Variants in CECR2 observed in about 807,000 individuals in gnomAD.
The protein encoded by CECR2 is CECR2 histone acetyl-lysine reader.
In CECR2, 30 loss-of-function variants were observed where a neutral mutation model predicts 154.5. The ratio of observed to expected loss-of-function variants is 0.19; its 90% CI spans 0.15 to 0.26. CECR2 has a LOEUF of 0.26. CECR2 is among the 10% of genes least tolerant of loss of function. The pLI is 1.00. For missense variants in CECR2, 1,743 were observed against 1,829.3 expected, an observed-to-expected ratio of 0.95 and a Z score of 0.86; for synonymous variants, 725 against 683.7, an observed-to-expected ratio of 1.06 and a Z score of -0.94.
intron 1 of CECR2, among the ~76,000 whole-genome samples, chr22:17,408,772 G>A (rs188792185): frequency 6.6e-6 from 1 of 152,276 alleles, no homozygotes; most frequent in East Asian, 1.9e-4. Context: ...GTATTACCTT[G>A]TATTCATGAA....
At chr22:17,488,317 T>C (rs982506957) in intron 2 of CECR2, among the ~76,000 whole-genome samples, 1 of 152,258 alleles carries the variant, frequency 6.6e-6, no homozygotes, top group Non-Finnish European at 1.5e-5. Context: ...ACAATACTTC[T>C]GTTAAGTACG....
intron 1 of CECR2, among the ~76,000 whole-genome samples, chr22:17,412,482 C>A (rs1042624997): frequency 9.2e-5 from 14 of 152,160 alleles, no homozygotes; most frequent in African/African-American, 3.4e-4. Flanking sequence ...GCTAAAGAGG[C>A]CTTTGGCTCC....
chr22:17,377,234 G>T (rs547579572), intron 1 of CECR2, among the ~76,000 whole-genome samples: 1 of 152,278 alleles, frequency 6.6e-6, no homozygotes, highest in East Asian at 1.9e-4. Flanking sequence ...TGGTGTGTTT[G>T]CAAATTATAG....
Position 17,525,285 on chromosome 22 carries a change from CCAAAAAAAAAAAA to C in CECR2, c.1108+1015_1108+1027del, listed in dbSNP as rs1364262704. Among the ~76,000 whole-genome samples, 34 of 32,326 alleles carry C rather than the reference CCAAAAAAAAAAAA, an allele frequency of 1.1e-3. No homozygotes were observed. The South Asian group carries it at 0.013, about 13-fold the overall frequency. 21.2% of individuals were successfully genotyped at this position (32,326 alleles called of 152,430 possible). ...GGGCAACAAGAGTGAAACTCCATCT[CCAAAAAAAAAAAA>C]AAAAAAAAAAAAAAAAAGAAAGGAA... On this transcript the variant is annotated intron_variant, in intron 9 of 18. Coordinates refer to ENST00000262608, the MANE Select transcript of CECR2 (RefSeq NM_001290047.2).
At position 17,532,031 on chromosome 22, in the gene CECR2, A is replaced by G. The variant is rs147025214; in HGVS notation, c.1109-5072A>G. On this transcript the variant is annotated intron_variant, in intron 9 of 18. Coordinates refer to ENST00000262608, the MANE Select transcript of CECR2 (RefSeq NM_001290047.2). ...AGAAAATCTTAAAAATTAGCCAGAC[A>G]TGGTGGTGCATGCCTGTAGTCCCAG... 1.1e-3 allele frequency among the ~76,000 whole-genome samples: 164 copies of G among 152,068 alleles called. 3 individuals are homozygous for G. The highest frequency in any genetic ancestry group is 3.7e-3 in the African/African-American group (153 of 41,452).
chr22:17,513,698 T>G (rs114071673), intron 8 of CECR2, among the ~76,000 whole-genome samples: 2,551 of 152,298 alleles, frequency 0.017, 81 homozygotes, highest in African/African-American at 0.058. Flanking sequence ...TTCAGCCATG[T>G]TCTCAAATGG....
chr22:17,510,160 G>T (rs1281310609), intron 7 of CECR2, among the ~76,000 whole-genome samples: 1 of 152,206 alleles, frequency 6.6e-6, no homozygotes, highest in Admixed American at 6.5e-5. Flanking sequence ...TCTGTATCAA[G>T]AATAGCATTT....
At chr22:17,552,787 T>TTTTTTTTTTTTTTTTTTTTTTTTTTC in intron 18 of CECR2, 48 bp from the exon 19 acceptor site, 1 of 1,391,200 alleles carries the variant, frequency 7.2e-7, no homozygotes, top group Non-Finnish European at 9.7e-7. Flanking sequence ...TTTTTTTTTT[T>TTTTTTTTTTTTTTTTTTTTTTTTTTC]AACAACCCAA....
rs117187831 is a variant in CECR2, at chr22:17,493,821, A to G, written c.222-3582A>G. Among the ~76,000 whole-genome samples the G allele has an allele frequency of 2.6e-3, 390 of 152,348 alleles. 2 individuals carry two copies. The highest frequency in any genetic ancestry group is 4.7e-3 in the Non-Finnish European group (319 of 68,026). ...TATGCCTGTACTTTCTCAACCTCAC[A>G]TTGGAATAAGAAAGGTCTCGCTCCC... On this transcript the variant is annotated intron_variant, in intron 2 of 18. Transcript: ENST00000262608.
intron 1 of CECR2, among the ~76,000 whole-genome samples, chr22:17,410,226 A>G (rs1384621693): frequency 6.6e-6 from 1 of 151,498 alleles, no homozygotes; most frequent in Non-Finnish European, 1.5e-5. Context: ...TGATCTGCCC[A>G]CCTCGGCCTC....
At chr22:17,415,400 C>G (rs1238450376) in intron 1 of CECR2, among the ~76,000 whole-genome samples, 1 of 152,082 alleles carries the variant, frequency 6.6e-6, no homozygotes, top group Non-Finnish European at 1.5e-5. Flanking sequence ...CGCCACCGTG[C>G]CTGGCTAATT....
intron 3 of CECR2, among the ~76,000 whole-genome samples, chr22:17,499,044 C>T (rs55859334): frequency 4.3e-4 from 65 of 152,064 alleles, no homozygotes; most frequent in Non-Finnish European, 8.2e-4. Context: ...GGCTGGAGTG[C>T]AGTGGCATGA....
At chr22:17,447,033 C>CTGTTTTT (rs1339121774) in intron 1 of CECR2, among the ~76,000 whole-genome samples, 2,496 of 113,914 alleles carry the variant, frequency 0.022, 279 homozygotes, top group South Asian at 0.11. Context: ...CGTTTACAAT[C>CTGTTTTT]TTTTTTTTTT....
intron 7 of CECR2, among the ~76,000 whole-genome samples, chr22:17,509,491 G>A (rs138359972): frequency 1.1e-3 from 166 of 150,916 alleles, no homozygotes; most frequent in African/African-American, 3.6e-3. Flanking sequence ...GTGCAGTAGC[G>A]TGATCATAGC....
In CECR2 at chr22:17,454,327, G is replaced by T. The variant is rs532092615; in HGVS notation, c.127-23261G>T. On this transcript the variant is annotated intron_variant, in intron 1 of 18. Coordinates refer to ENST00000262608, the MANE Select transcript of CECR2 (RefSeq NM_001290047.2). ...AACCTGCAGCTGGCCAGGCGTGGTG[G>T]CTCATACCTGTAATCTCAGCAGGTA... is the stretch of plus-strand genomic sequence containing the variant. Among the ~76,000 whole-genome samples, 3 of 151,964 alleles carry T rather than the reference G, an allele frequency of 2.0e-5. No individual in the cohort carries two copies. In the East Asian group the frequency reaches 5.8e-4, roughly 29 times the overall value.
chr22:17,386,227 G>A (rs576162549), intron 1 of CECR2, among the ~76,000 whole-genome samples: 2 of 152,252 alleles, frequency 1.3e-5, no homozygotes, highest in African/African-American at 4.8e-5. Flanking sequence ...AGATGACTTC[G>A]GAGAAGGGAT....
At chr22:17,410,368 G>A (rs1204361615) in intron 1 of CECR2, among the ~76,000 whole-genome samples, 1 of 152,096 alleles carries the variant, frequency 6.6e-6, no homozygotes, top group Non-Finnish European at 1.5e-5. Context: ...TTTTTCTAAT[G>A]GGAGGAGAAT....
At chr22:17,361,682 G>A (rs1341828035) in intron 1 of CECR2, among the ~76,000 whole-genome samples, 2 of 151,582 alleles carry the variant, frequency 1.3e-5, no homozygotes, top group Non-Finnish European at 2.9e-5. Context: ...GGGGGAGGTT[G>A]CAGTGAGCCG....
intron 1 of CECR2, among the ~76,000 whole-genome samples, chr22:17,387,201 CTTT>C (rs2063273415): frequency 1.3e-5 from 2 of 152,178 alleles, no homozygotes; most frequent in Admixed American, 1.3e-4. Context: ...AGAAAGCCTT[CTTT>C]TGTCTCATTT....
Sources: allele counts gnomAD v4.1 joint callset (sites outside exome capture counted in the v4.1 genomes callset), GRCh38; gene constraint gnomAD v4.1.1; transcripts MANE v1.5; gene names NCBI Gene and HGNC (gene_info 2026-07-23, HGNC 2026-07-21).